The following DSCAM variants were observed in gnomAD, a reference collection of about 807,000 sequenced individuals.
The protein encoded by DSCAM is DS cell adhesion molecule.
A neutral mutation model predicts 217.7 loss-of-function variants in DSCAM; 47 were observed. The ratio of observed to expected loss-of-function variants is 0.22; its 90% CI spans 0.17 to 0.28. The LOEUF is 0.28. Among genes scored for constraint, DSCAM ranks in the 10% least tolerant of loss-of-function variants. The pLI, the probability that DSCAM is intolerant of heterozygous loss-of-function variation, is 1.00. For synonymous variants in DSCAM, 1,056 were observed against 1,015.3 expected (o/e 1.04, Z -0.76); for missense variants, 2,080 against 2,618.3 (o/e 0.79, Z 4.49).
intron 2 of DSCAM, among the ~76,000 whole-genome samples, chr21:40,698,085 T>A (rs926544647): frequency 6.6e-6 from 1 of 152,262 alleles, no homozygotes. Flanking sequence ...ACGAAAAGCA[T>A]CTTATAGTTA....
At chr21:40,360,860 C>T (rs2074755459) in intron 4 of DSCAM, among the ~76,000 whole-genome samples, 1 of 151,776 alleles carries the variant, frequency 6.6e-6, no homozygotes, top group African/African-American at 2.4e-5. Context: ...CAAATGGTAG[C>T]TCTATTTTAA....
intron 10 of DSCAM, among the ~76,000 whole-genome samples, chr21:40,283,927 C>T (rs2073794819): frequency 6.7e-6 from 1 of 149,734 alleles, no homozygotes; most frequent in African/African-American, 2.6e-5. Flanking sequence ...TTTAGCCTCA[C>T]CAATGGTTTG....
intron 3 of DSCAM, among the ~76,000 whole-genome samples, chr21:40,519,852 G>C (rs77960340): frequency 0.078 from 11,522 of 147,066 alleles, 695 homozygotes; most frequent in African/African-American, 0.18. Flanking sequence ...CTCTCTCTCT[G>C]TGTGTGTGTA....
Position 40,248,635 on chromosome 21 carries a change from T to C in DSCAM, c.2356+27462A>G, listed in dbSNP as rs538096895. On this transcript the variant is annotated intron_variant, in intron 11 of 32. Coordinates refer to ENST00000400454, the MANE Select transcript of DSCAM (RefSeq NM_001389.5). ...AAAGCCATTCAAGTCTCTAGGAAGTTCCAAACTTTCCCACATTTTTCTGTA... is the reference window on the plus strand; with the variant it reads ...AAAGCCATTCAAGTCTCTAGGAAGTCCCAAACTTTCCCACATTTTTCTGTA... 2.0e-4 allele frequency among the ~76,000 whole-genome samples: 31 copies of C among 152,336 alleles called. No individual in the cohort carries two copies. The South Asian group carries it at 6.0e-3, about 30-fold the overall frequency.
chr21:40,501,832 T>G (rs1460570157), intron 3 of DSCAM, among the ~76,000 whole-genome samples: 1 of 152,176 alleles, frequency 6.6e-6, no homozygotes. Context: ...CCTCAGGTGA[T>G]CCACCCCCAC....
At position 40,132,331 on chromosome 21, in the gene DSCAM, C is replaced by T. The variant is rs965569331; in HGVS notation, c.3562+1523G>A. 3.4e-4 allele frequency among the ~76,000 whole-genome samples: 52 copies of T among 152,172 alleles called. 1 individual carries two copies. Among genetic ancestry groups the T allele is most frequent in the Admixed American group, 1.8e-3 (28 of 15,282 alleles). On this transcript the variant is annotated intron_variant, in intron 19 of 32. Coordinates refer to ENST00000400454, the MANE Select transcript of DSCAM (RefSeq NM_001389.5). Reference sequence around the variant, plus strand: ...CTTAGGTAAGGTGCCCAAAGACCCACGGGCAGCAGGTGACAGAGCCAGCAT... The same window carrying T: ...CTTAGGTAAGGTGCCCAAAGACCCATGGGCAGCAGGTGACAGAGCCAGCAT...
chr21:40,120,677 AAT>A (rs773180487), intron 20 of DSCAM, among the ~76,000 whole-genome samples: 5 of 152,176 alleles, frequency 3.3e-5, no homozygotes, highest in Non-Finnish European at 7.4e-5. Context: ...TGGGGAGTTT[AAT>A]ATCTCATTGC....
At chr21:40,550,984 T>C (rs2076625210) in intron 3 of DSCAM, among the ~76,000 whole-genome samples, 1 of 152,004 alleles carries the variant, frequency 6.6e-6, no homozygotes, top group South Asian at 2.1e-4. Context: ...TACAGTCCCT[T>C]TACACGTCCA....
rs117394218 is a variant in DSCAM at position 40,665,585 on chromosome 21, C to A, written c.508+27225G>T. Reference sequence around the variant, plus strand: ...GTCCCCTGAAATTCCCCGTACAGCCCCCACTCCTGTTGTTCATTTCCAGCA... The same window carrying A: ...GTCCCCTGAAATTCCCCGTACAGCCACCACTCCTGTTGTTCATTTCCAGCA... On this transcript the variant is annotated intron_variant, in intron 3 of 32. Coordinates refer to ENST00000400454, the MANE Select transcript of DSCAM (RefSeq NM_001389.5). Among the ~76,000 whole-genome samples, 38 of 152,288 alleles carry A rather than the reference C, an allele frequency of 2.5e-4. No homozygotes were observed. The East Asian group carries it at 7.4e-3, about 29-fold the overall frequency.
At chr21:40,512,085 G>GAGA (rs1568865769) in intron 3 of DSCAM, among the ~76,000 whole-genome samples, 2 of 151,738 alleles carry the variant, frequency 1.3e-5, no homozygotes, top group Non-Finnish European at 2.9e-5. Context: ...AAAGGCAAGG[G>GAGA]AGATAGGTTA....
At chr21:40,540,186 G>A (rs945492827) in intron 3 of DSCAM, among the ~76,000 whole-genome samples, 5 of 151,736 alleles carry the variant, frequency 3.3e-5, no homozygotes, top group East Asian at 1.9e-4. Flanking sequence ...CCTCCCCTTC[G>A]CACACACAAC....
chr21:40,408,584 TAA>T (rs2075297878), intron 3 of DSCAM, among the ~76,000 whole-genome samples: 1 of 152,202 alleles, frequency 6.6e-6, no homozygotes, highest in Admixed American at 6.6e-5. Flanking sequence ...TCATCAGTCG[TAA>T]GTTGGCATTG....
chr21:40,426,849 C>T (rs775478293), intron 3 of DSCAM, among the ~76,000 whole-genome samples: 1 of 152,020 alleles, frequency 6.6e-6, no homozygotes, highest in African/African-American at 2.4e-5. Context: ...TCTCCTCAGT[C>T]AAGCCCAAAC....
intron 3 of DSCAM, among the ~76,000 whole-genome samples, chr21:40,516,131 C>T (rs1568868974): frequency 2.0e-5 from 3 of 152,112 alleles, no homozygotes; most frequent in Admixed American, 2.0e-4. Flanking sequence ...TACACACACA[C>T]ACACACAAAT....
Position 40,641,536 on chromosome 21 carries a change from T to C in DSCAM, c.508+51274A>G, listed in dbSNP as rs368339913. 1.1e-3 allele frequency among the ~76,000 whole-genome samples: 171 copies of C among 152,328 alleles called. 8 individuals carry two copies. The South Asian group carries it at 0.034, about 31-fold the overall frequency. ...AATTTGCTTTTGCTGGTTCCAGTTCTTTCTTTTGGTCACAGGCTTTCAAAA... is the reference window on the plus strand; with the variant it reads ...AATTTGCTTTTGCTGGTTCCAGTTCCTTCTTTTGGTCACAGGCTTTCAAAA... On this transcript the variant is annotated intron_variant, in intron 3 of 32. Transcript: ENST00000400454.
chr21:40,835,585 G>A (rs530903586), intron 1 of DSCAM, among the ~76,000 whole-genome samples: 2 of 152,082 alleles, frequency 1.3e-5, no homozygotes, highest in South Asian at 2.1e-4. Context: ...CACTCAAAAA[G>A]GTAATTTCTA....
chr21:40,582,390 A>G (rs2076912398), intron 3 of DSCAM, among the ~76,000 whole-genome samples: 1 of 152,234 alleles, frequency 6.6e-6, no homozygotes, highest in Admixed American at 6.5e-5. Flanking sequence ...AAATATACAA[A>G]TAAACACATA....
chr21:40,345,109 A>G (rs2074543994), intron 6 of DSCAM, among the ~76,000 whole-genome samples: 1 of 152,040 alleles, frequency 6.6e-6, no homozygotes, highest in Admixed American at 6.5e-5. Flanking sequence ...TACAGTTTCA[A>G]TTTCTCTGTT....
rs34579385 is a variant in DSCAM, at chr21:40,311,933, ATTTTTTTTTTTTTTT to A, written c.2062+133_2062+147del. Reference sequence around the variant, plus strand: ...AATTCATGGTTGGGTTTAGAGTCGTATTTTTTTTTTTTTTTTTTTTTTTTTTTAGTGAGATAAAAC... The same window carrying A: ...AATTCATGGTTGGGTTTAGAGTCGTATTTTTTTTTTTTAGTGAGATAAAAC... On this transcript the variant is annotated intron_variant, in intron 9 of 32. Transcript: ENST00000400454. 7 of 202,472 alleles carry A rather than the reference ATTTTTTTTTTTTTTT, an allele frequency of 3.5e-5. 1 individual carries two copies. The highest frequency in any genetic ancestry group is 2.2e-4 in the East Asian group (2 of 9,172). 12.5% of individuals were successfully genotyped at this position (202,472 alleles called of 1,614,324 possible).
Sources: allele counts gnomAD v4.1 joint callset (sites outside exome capture counted in the v4.1 genomes callset), GRCh38; gene constraint gnomAD v4.1.1; transcripts MANE v1.5; gene names NCBI Gene and HGNC (gene_info 2026-07-23, HGNC 2026-07-21).